The following LARGE1 variants were observed in gnomAD, a reference collection of about 807,000 sequenced individuals.
LARGE1 encodes the protein LARGE xylosyl- and glucuronyltransferase 1, also known as xylosyl- and glucuronyltransferase LARGE1.
In LARGE1, 43 loss-of-function variants were observed where a neutral mutation model predicts 87.6. The observed-to-expected ratio is 0.49, with a 90% CI of 0.38 to 0.63. The LOEUF is 0.63. LARGE1 is among the 30% of genes least tolerant of loss of function. The pLI, the probability that LARGE1 is intolerant of heterozygous loss-of-function variation, is 0.00. For missense variants in LARGE1, 802 were observed against 1,000.2 expected (o/e 0.80, Z 2.67); for synonymous variants, 434 against 394.6 (o/e 1.10, Z -1.18).
At chr22:33,717,838 T>G (rs1171317549) in intron 2 of LARGE1, among the ~76,000 whole-genome samples, 1 of 152,230 alleles carries the variant, frequency 6.6e-6, no homozygotes, top group Non-Finnish European at 1.5e-5. Context: ...CAAAGTCGCT[T>G]TGTCCCCATG....
intron 1 of LARGE1, among the ~76,000 whole-genome samples, chr22:33,805,584 A>C (rs533660108): frequency 6.6e-6 from 1 of 152,000 alleles, no homozygotes; most frequent in African/African-American, 2.4e-5. Flanking sequence ...AATACAAAAA[A>C]TTAGCTGGGC....
chr22:33,071,774 T>C, the LARGE1 span, among the ~76,000 whole-genome samples: 1 of 152,188 alleles, frequency 6.6e-6, no homozygotes, highest in Admixed American at 6.5e-5. Flanking sequence ...GGAAACTAGT[T>C]ACTTGATTAC....
At chr22:33,309,515 C>G (rs112833612) in intron 11 of LARGE1, among the ~76,000 whole-genome samples, 57 of 152,254 alleles carry the variant, frequency 3.7e-4, no homozygotes, top group African/African-American at 1.3e-3. Flanking sequence ...CCTTCCACCA[C>G]GTGAGGACAC....
chr22:33,285,518 G>A lies in LARGE1; in HGVS notation c.1731-2170C>T, dbSNP rs551464200. ...GGGTGCTGGTAGTCCCAGCTATTCA[G>A]GAGGCTGAGGCAGGAGAATCGCTTG... is the stretch of plus-strand genomic sequence containing the variant. On this transcript the variant is annotated intron_variant, in intron 12 of 14. Transcript: ENST00000397394. Among the ~76,000 whole-genome samples, 35 of 152,274 alleles carry A rather than the reference G, an allele frequency of 2.3e-4. No homozygotes were observed. In the East Asian group the frequency reaches 6.8e-3, roughly 29 times the overall value.
At chr22:33,882,950 G>C (rs2064740341) in intron 1 of LARGE1, among the ~76,000 whole-genome samples, 1 of 152,028 alleles carries the variant, frequency 6.6e-6, no homozygotes, top group African/African-American at 2.4e-5. Context: ...ACAAATCCAA[G>C]AGGCCATGAG....
chr22:33,125,447 A>T, the LARGE1 span, among the ~76,000 whole-genome samples: 3 of 144,276 alleles, frequency 2.1e-5, no homozygotes, highest in Middle Eastern at 3.6e-3. Context: ...CCTGCTTTCA[A>T]TTTTTTTTTT....
chr22:33,455,503 A>G (rs1329992237), intron 6 of LARGE1, among the ~76,000 whole-genome samples: 1 of 152,186 alleles, frequency 6.6e-6, no homozygotes, highest in Non-Finnish European at 1.5e-5. Context: ...CTGTAATCCC[A>G]GCACTTTGGG....
the LARGE1 span, among the ~76,000 whole-genome samples, chr22:33,111,369 C>G: frequency 1.3e-5 from 2 of 152,164 alleles, no homozygotes; most frequent in African/African-American, 4.8e-5. Flanking sequence ...GATGTATCAT[C>G]TTGCTGGGCT....
chr22:33,676,590 C>CAA (rs34160766), intron 2 of LARGE1, among the ~76,000 whole-genome samples: 3 of 132,160 alleles, frequency 2.3e-5, no homozygotes, highest in African/African-American at 5.5e-5. Flanking sequence ...ACACCACCAA[C>CAA]AAAAAAAAAA....
At chr22:33,725,657 T>A (rs1204521993) in intron 2 of LARGE1, 1 of 152,160 alleles carries the variant, frequency 6.6e-6, no homozygotes, top group Non-Finnish European at 1.5e-5. Context: ...CATCCACAGG[T>A]GTGTGACTGT....
the LARGE1 span, among the ~76,000 whole-genome samples, chr22:33,143,427 A>T: frequency 6.6e-6 from 1 of 152,192 alleles, no homozygotes; most frequent in Non-Finnish European, 1.5e-5. Flanking sequence ...AAGCAGATAT[A>T]TCAGTAATAG....
chr22:33,169,596 A>G (rs1922450664), intron 11 of LARGE1, among the ~76,000 whole-genome samples: 1 of 152,144 alleles, frequency 6.6e-6, no homozygotes, highest in Non-Finnish European at 1.5e-5. Flanking sequence ...TCACAACTGT[A>G]ATCCCAGCAC....
At chr22:33,129,756 G>A in the LARGE1 span, among the ~76,000 whole-genome samples, 1 of 152,174 alleles carries the variant, frequency 6.6e-6, no homozygotes, top group Non-Finnish European at 1.5e-5. Context: ...AGGATGGATT[G>A]AGTGCAGGCA....
the LARGE1 span, among the ~76,000 whole-genome samples, chr22:33,078,553 T>C: frequency 6.6e-6 from 1 of 152,222 alleles, no homozygotes; most frequent in Non-Finnish European, 1.5e-5. Context: ...CAGTTAGTTA[T>C]GAAAATTACT....
At chr22:33,817,493 A>G (rs1412818337) in intron 1 of LARGE1, among the ~76,000 whole-genome samples, 1 of 151,994 alleles carries the variant, frequency 6.6e-6, no homozygotes, top group Non-Finnish European at 1.5e-5. Flanking sequence ...CACAACCTTC[A>G]TGGCTGCATA....
chr22:33,675,959 C>A (rs146030796), intron 2 of LARGE1, among the ~76,000 whole-genome samples: 1 of 150,338 alleles, frequency 6.7e-6, no homozygotes, highest in Middle Eastern at 3.2e-3. Context: ...CCAAAATCCA[C>A]GACATTTTCA....
chr22:33,580,376 G>GA (rs796177762), intron 5 of LARGE1, among the ~76,000 whole-genome samples: 6,498 of 134,116 alleles, frequency 0.048, 466 homozygotes, highest in African/African-American at 0.16. Context: ...CACAAAAAAA[G>GA]AAAAAAAAAA....
chr22:33,110,762 A>G, the LARGE1 span: 1 of 152,150 alleles, frequency 6.6e-6, no homozygotes, highest in Non-Finnish European at 1.5e-5. Flanking sequence ...TGGTTCTTCT[A>G]GTTGTTTACC....
intron 6 of LARGE1, among the ~76,000 whole-genome samples, chr22:33,460,252 T>C (rs2068318758): frequency 6.6e-6 from 1 of 152,200 alleles, no homozygotes; most frequent in African/African-American, 2.4e-5. Flanking sequence ...TTCATTATAA[T>C]AATTATCTTT....
Sources: allele counts gnomAD v4.1 joint callset (sites outside exome capture counted in the v4.1 genomes callset), GRCh38; gene constraint gnomAD v4.1.1; transcripts MANE v1.5; gene names NCBI Gene and HGNC (gene_info 2026-07-23, HGNC 2026-07-21).